FAM168A: variants seen among roughly 807,000 people sequenced by gnomAD.
FAM168A encodes protein FAM168A.
FAM168A carries 3 observed loss-of-function variants against 28.5 expected under a neutral mutation model. The ratio of observed to expected loss-of-function variants is 0.11; its 90% CI spans 0.05 to 0.27. The LOEUF is 0.27. Ranked by LOEUF, FAM168A falls within the 10% of genes least tolerant of loss-of-function variation. FAM168A has a pLI of 1.00. For missense variants in FAM168A, 222 were observed against 311.5 expected (o/e 0.71, Z 2.16); for synonymous variants, 122 against 124.2 (o/e 0.98, Z 0.12).
intron 1 of FAM168A, among the ~76,000 whole-genome samples, chr11:73,510,199 A>G (rs1395882704): frequency 1.3e-5 from 2 of 152,132 alleles, no homozygotes; most frequent in Non-Finnish European, 2.9e-5. Flanking sequence ...TCCTCCATCC[A>G]AGCCTACCTA....
chr11:73,568,792 G>A (rs1279231452), intron 1 of FAM168A, among the ~76,000 whole-genome samples: 1 of 152,092 alleles, frequency 6.6e-6, no homozygotes, highest in Non-Finnish European at 1.5e-5. Flanking sequence ...CTACTCAGGA[G>A]GCTGAGGCAT....
chr11:73,510,293 A>G lies in FAM168A; in HGVS notation c.-18-41801T>C, dbSNP rs921637108. Reference sequence around the variant, plus strand: ...TAATAAACCTGAGAGGTTATTAGGCATATCTTTGAGGGATAAGAGATAAGG... The same window carrying G: ...TAATAAACCTGAGAGGTTATTAGGCGTATCTTTGAGGGATAAGAGATAAGG... On this transcript the variant is annotated intron_variant, in intron 1 of 7. Coordinates refer to ENST00000356467, the MANE Select transcript of FAM168A (RefSeq NM_015159.3). Among the ~76,000 whole-genome samples, 13 of 152,308 alleles carry G rather than the reference A, an allele frequency of 8.5e-5. 1 individual carries two copies. In the South Asian group the frequency reaches 2.7e-3, roughly 32 times the overall value.
intron 2 of FAM168A, among the ~76,000 whole-genome samples, chr11:73,446,371 T>C (rs184516559): frequency 6.6e-6 from 1 of 152,342 alleles, no homozygotes; most frequent in Admixed American, 6.5e-5. Flanking sequence ...TTTCCAAATC[T>C]ATTAATATAA....
chr11:73,566,983 G>A lies in FAM168A; in HGVS notation c.-19+30940C>T, dbSNP rs570065643. Among the ~76,000 whole-genome samples the A allele has an allele frequency of 2.0e-4, 30 of 152,288 alleles. 1 individual carries two copies. Among genetic ancestry groups the A allele is most frequent in the South Asian group, 8.3e-4 (4 of 4,822 alleles). ...ACCATTTGAGTAGAAGAAGCAACAC[G>A]AGTAGAGATTTGGCAGTTTAACAGC... On this transcript the variant is annotated intron_variant, in intron 1 of 7. Transcript: ENST00000356467.
intron 2 of FAM168A, among the ~76,000 whole-genome samples, chr11:73,433,842 T>C (rs1159663406): frequency 1.7e-4 from 7 of 40,720 alleles, no homozygotes; most frequent in African/African-American, 1.7e-3. Flanking sequence ...GGTAGGCCCT[T>C]TTTTTTTTTT....
chr11:73,567,112 C>T (rs1331192352), intron 1 of FAM168A, among the ~76,000 whole-genome samples: 5 of 152,206 alleles, frequency 3.3e-5, no homozygotes, highest in East Asian at 1.9e-4. Context: ...TGGAGGCTGC[C>T]GTCCACACAA....
chr11:73,492,534 CG>C (rs1167640656), intron 1 of FAM168A, among the ~76,000 whole-genome samples: 1 of 151,994 alleles, frequency 6.6e-6, no homozygotes, highest in African/African-American at 2.4e-5. Flanking sequence ...CCCAGCTACA[CG>C]GGGGGCTGAG....
intron 1 of FAM168A, among the ~76,000 whole-genome samples, chr11:73,550,491 T>C (rs147431465): frequency 0.039 from 5,943 of 151,790 alleles, 400 homozygotes; most frequent in African/African-American, 0.14. Flanking sequence ...CCTGTTTCTA[T>C]AAAAAATACA....
At chr11:73,478,920 G>A (rs78995597) in intron 1 of FAM168A, among the ~76,000 whole-genome samples, 1 of 152,172 alleles carries the variant, frequency 6.6e-6, no homozygotes, top group Non-Finnish European at 1.5e-5. Context: ...GGGCAGTGCT[G>A]TGACTGCCAC....
chr11:73,468,260 T>C, intron 2 of FAM168A, 145 bp downstream of exon 2: 1 of 619,184 alleles, frequency 1.6e-6, no homozygotes, highest in Non-Finnish European at 2.7e-6. Context: ...TCTGAGATCT[T>C]TCCGCTGGAC....
chr11:73,501,869 A>C (rs1855015498), intron 1 of FAM168A, among the ~76,000 whole-genome samples: 1 of 152,166 alleles, frequency 6.6e-6, no homozygotes, highest in South Asian at 2.1e-4. Flanking sequence ...TGGGAGGCCA[A>C]GGCGGGCAGA....
At chr11:73,457,394 A>T (rs970199349) in intron 2 of FAM168A, among the ~76,000 whole-genome samples, 17 of 143,530 alleles carry the variant, frequency 1.2e-4, no homozygotes, top group African/African-American at 4.3e-4. Flanking sequence ...CATCTCGTTT[A>T]AAAAAAAAAA....
intron 1 of FAM168A, among the ~76,000 whole-genome samples, chr11:73,555,112 T>C (rs1446061288): frequency 6.6e-6 from 1 of 152,132 alleles, no homozygotes; most frequent in Non-Finnish European, 1.5e-5. Flanking sequence ...GCCTAGAGAA[T>C]AGAAACAGCT....
intron 1 of FAM168A, among the ~76,000 whole-genome samples, chr11:73,482,161 C>T (rs1867975776): frequency 8.8e-6 from 1 of 113,194 alleles, no homozygotes; most frequent in South Asian, 3.1e-4. Context: ...ACAAAATACA[C>T]AAAGACAACA....
At position 73,451,766 on chromosome 11, in the gene FAM168A, A is replaced by G. The variant is rs577158082; in HGVS notation, c.70+16639T>C. On this transcript the variant is annotated intron_variant, in intron 2 of 7. Coordinates refer to ENST00000356467, the MANE Select transcript of FAM168A (RefSeq NM_015159.3). ...CTGTACCATCTACGTCTGTGTAAGT[A>G]CACTCCATTATATTTGCACAACAAC... Among the ~76,000 whole-genome samples, 5 of 152,354 alleles carry G rather than the reference A, an allele frequency of 3.3e-5. No individual in the cohort carries two copies. The South Asian group carries it at 1.0e-3, about 32-fold the overall frequency.
At chr11:73,579,834 T>C (rs1440705998) in intron 1 of FAM168A, among the ~76,000 whole-genome samples, 9 of 152,210 alleles carry the variant, frequency 5.9e-5, no homozygotes. Flanking sequence ...ATAAGTCTTC[T>C]GACAAGAAAT....
intron 1 of FAM168A, among the ~76,000 whole-genome samples, chr11:73,557,278 C>T (rs1943902384): frequency 6.6e-6 from 1 of 152,082 alleles, no homozygotes; most frequent in Non-Finnish European, 1.5e-5. Context: ...ATATGAGATA[C>T]ACAGAACAAT....
rs1209404015 is a variant in FAM168A at position 73,401,567 on chromosome 11, G to A, written c.*5196C>T. On this transcript the variant is annotated 3_prime_UTR_variant, in exon 8 of 8. Transcript: ENST00000356467. ...GATCTCACCCATTTGATTCCTATGG[G>A]CCGGTACTTTGCAAAGCTGTTACAT... 6.6e-6 allele frequency: 1 copy of A among 152,244 alleles called. No individual in the cohort carries two copies. Among genetic ancestry groups the A allele is most frequent in the African/African-American group, 2.4e-5 (1 of 41,444 alleles). 9.4% of individuals were successfully genotyped at this position (152,244 alleles called of 1,614,324 possible). A position where few individuals can be genotyped will look rare whatever the true frequency, so the allele number is the denominator to read the frequency against.
intron 1 of FAM168A, among the ~76,000 whole-genome samples, chr11:73,536,683 G>A (rs922425174): frequency 1.3e-5 from 2 of 151,942 alleles, no homozygotes; most frequent in Non-Finnish European, 2.9e-5. Flanking sequence ...GCTTAACTCC[G>A]TCTCAAAAAA....
Sources: gnomAD v4.1 joint callset for allele counts (sites outside exome capture counted in the v4.1 genomes callset) on GRCh38, gnomAD v4.1.1 for gene constraint, MANE v1.5 for transcripts, NCBI Gene and HGNC (gene_info 2026-07-23, HGNC 2026-07-21) for gene names.